The following RYR3 variants were observed in gnomAD, a reference collection of about 807,000 sequenced individuals.
RYR3 encodes ryanodine receptor 3.
Under a neutral mutation model 584.3 loss-of-function variants are expected in RYR3, and 207 were observed. That is an observed-to-expected ratio of 0.35 (90% CI 0.32 to 0.40). The LOEUF is 0.40. Among genes scored for constraint, RYR3 ranks in the 10% least tolerant of loss-of-function variants. RYR3 has a pLI of 1.00. For missense variants in RYR3, 5,616 were observed against 6,089.2 expected (o/e 0.92, Z 2.59); for synonymous variants, 2,416 against 2,248.5 (o/e 1.07, Z -2.11).
Position 33,801,968 on chromosome 15 carries a change from C to A in RYR3, c.10011+7C>A. 6.6e-7 allele frequency: 1 copy of A among 1,522,016 alleles called. No homozygotes were observed. Among genetic ancestry groups the A allele is most frequent in the Non-Finnish European group, 9.1e-7 (1 of 1,098,534 alleles). 94.3% of individuals were successfully genotyped at this position (1,522,016 alleles called of 1,614,324 possible). A position where few individuals can be genotyped will look rare whatever the true frequency, so the allele number is the denominator to read the frequency against. ...CAAAAGCAAGATGTCAAAAGTAAGTCCTTAGAAATCAATTCCAAAAACTCT... is the reference window on the plus strand; with the variant it reads ...CAAAAGCAAGATGTCAAAAGTAAGTACTTAGAAATCAATTCCAAAAACTCT... On this transcript the variant is annotated splice_region_variant and intron_variant, in intron 69 of 103. Coordinates refer to ENST00000634891, the MANE Select transcript of RYR3 (RefSeq NM_001036.6).
intron 42 of RYR3, among the ~76,000 whole-genome samples, chr15:33,705,040 C>G (rs1419942193): frequency 6.6e-6 from 1 of 151,968 alleles, no homozygotes. Context: ...TAGGATTGAA[C>G]AGTAGCCCTA....
At chr15:33,402,114 G>A (rs1366559953) in intron 1 of RYR3, among the ~76,000 whole-genome samples, 5 of 152,064 alleles carry the variant, frequency 3.3e-5, no homozygotes, top group African/African-American at 7.2e-5. Flanking sequence ...TGGGGGAAAG[G>A]AAATAGAAAT....
chr15:33,556,730 G>A (rs1489921389), intron 10 of RYR3, among the ~76,000 whole-genome samples: 1 of 152,014 alleles, frequency 6.6e-6, no homozygotes, highest in African/African-American at 2.4e-5. Flanking sequence ...TTGCCGTGCG[G>A]TGCCCCTTTT....
At chr15:33,439,881 G>C (rs2046070502) in intron 1 of RYR3, among the ~76,000 whole-genome samples, 1 of 152,122 alleles carries the variant, frequency 6.6e-6, no homozygotes, top group African/African-American at 2.4e-5. Context: ...ATATGGGCTT[G>C]TTCTTATGGA....
intron 19 of RYR3, among the ~76,000 whole-genome samples, chr15:33,621,405 A>G (rs1016108905): frequency 1.3e-5 from 2 of 152,254 alleles, no homozygotes; most frequent in African/African-American, 4.8e-5. Context: ...CATGGTTTCC[A>G]TATGTCAGTA....
At chr15:33,818,512 C>T (rs1450253618) in intron 75 of RYR3, 66 bp from the exon 76 acceptor site, 17 of 1,186,770 alleles carry the variant, frequency 1.4e-5, no homozygotes, top group African/African-American at 3.0e-5. Context: ...TCTCTTTGTT[C>T]GCATGCCAGT....
At chr15:33,578,785 C>CA (rs5811778) in intron 12 of RYR3, among the ~76,000 whole-genome samples, 63,552 of 149,386 alleles carry the variant, frequency 0.43, 15,295 homozygotes, top group African/African-American at 0.62. Flanking sequence ...AAAACAACAA[C>CA]AAAAAAAAAC....
chr15:33,429,129 T>A (rs2044902770), intron 1 of RYR3, among the ~76,000 whole-genome samples: 1 of 152,148 alleles, frequency 6.6e-6, no homozygotes, highest in Admixed American at 6.5e-5. Context: ...TCCCTTAGAA[T>A]AATCGTGGAA....
chr15:33,462,892 G>T (rs776478604), intron 1 of RYR3, among the ~76,000 whole-genome samples: 29 of 152,008 alleles, frequency 1.9e-4, no homozygotes, highest in Non-Finnish European at 3.7e-4. Flanking sequence ...TTCAAATAAG[G>T]TTCAGGTCAG....
chr15:33,523,475 C>T (rs1216537914), intron 3 of RYR3, among the ~76,000 whole-genome samples: 3 of 152,144 alleles, frequency 2.0e-5, no homozygotes, highest in Non-Finnish European at 4.4e-5. Context: ...CTGTAGCACT[C>T]ACCGCAAGGT....
At chr15:33,664,963 C>T (rs2063411891) in intron 36 of RYR3, among the ~76,000 whole-genome samples, 1 of 152,120 alleles carries the variant, frequency 6.6e-6, no homozygotes, top group Non-Finnish European at 1.5e-5. Context: ...GTGGGTAAAG[C>T]TTATCATCCC....
At chr15:33,491,197 G>A (rs2050935235) in intron 2 of RYR3, among the ~76,000 whole-genome samples, 1 of 152,166 alleles carries the variant, frequency 6.6e-6, no homozygotes, top group Non-Finnish European at 1.5e-5. Flanking sequence ...GCCAGGTTAG[G>A]AGTGCTGGTG....
At chr15:33,660,588 C>T (rs1489289433) in intron 34 of RYR3, among the ~76,000 whole-genome samples, 165 bp downstream of exon 34, 1 of 152,248 alleles carries the variant, frequency 6.6e-6, no homozygotes, top group Non-Finnish European at 1.5e-5. Flanking sequence ...ACTTTCATTA[C>T]TCAGAAACAG....
At chr15:33,795,123 C>T (rs1389593810) in intron 67 of RYR3, among the ~76,000 whole-genome samples, 4 of 152,162 alleles carry the variant, frequency 2.6e-5, no homozygotes, top group African/African-American at 7.2e-5. Flanking sequence ...CCATCTTGGG[C>T]TTTCCTCTTC....
At position 33,663,726 on chromosome 15, in the gene RYR3, C is replaced by G. The variant is rs1043367167; in HGVS notation, c.5608C>G (p.Pro1870Ala). 1 of 1,605,922 alleles carries G rather than the reference C, an allele frequency of 6.2e-7. No individual in the cohort carries two copies. Among genetic ancestry groups the G allele is most frequent in the African/African-American group, 1.3e-5 (1 of 74,714 alleles). The change falls in exon 36 of 104, where the codon CCA becomes GCA. Residue 1870 changes from proline (P) to alanine (A), a missense_variant. Pro to Ala is a conservative substitution (Grantham distance 27). Coordinates refer to ENST00000634891, the MANE Select transcript of RYR3 (RefSeq NM_001036.6). Reference protein sequence around the residue: ...ARKTKEFRSPPQEQINMLLNF... With the variant: ...ARKTKEFRSPAQEQINMLLNF... Reference sequence around the variant, plus strand: ...GAAGACCAAGGAGTTCCGCTCACCCCCACAGGAGCAGGTGAGGGTCCTTCC... The same window carrying G: ...GAAGACCAAGGAGTTCCGCTCACCCGCACAGGAGCAGGTGAGGGTCCTTCC...
At chr15:33,726,612 C>T (rs931498985) in intron 46 of RYR3, 106 bp downstream of exon 46, 31 of 1,250,012 alleles carry the variant, frequency 2.5e-5, no homozygotes, top group Admixed American at 1.3e-4. Flanking sequence ...ACTTGCAGGG[C>T]GGGCTGCACA....
intron 12 of RYR3, among the ~76,000 whole-genome samples, chr15:33,577,826 C>G (rs1595681068): frequency 6.6e-6 from 1 of 152,132 alleles, no homozygotes; most frequent in African/African-American, 2.4e-5. Context: ...TCAGAGTGAA[C>G]AGACAACCTA....
chr15:33,374,572 C>T (rs1400124453), intron 1 of RYR3, among the ~76,000 whole-genome samples: 13 of 152,108 alleles, frequency 8.5e-5, no homozygotes. Context: ...AGAAAATTTC[C>T]TCAGCACACC....
chr15:33,603,024 C>A (rs899075451), intron 17 of RYR3, 99 bp from the exon 18 acceptor site: 7 of 1,257,500 alleles, frequency 5.6e-6, no homozygotes, highest in Non-Finnish European at 8.0e-6. Flanking sequence ...TTGCTCTTGT[C>A]CTACGTGTAA....
Sources: gnomAD v4.1 joint callset for allele counts (sites outside exome capture counted in the v4.1 genomes callset) on GRCh38, gnomAD v4.1.1 for gene constraint, MANE v1.5 for transcripts, NCBI Gene and HGNC (gene_info 2026-07-23, HGNC 2026-07-21) for gene names.